Variants in CNTN4 observed in about 807,000 individuals in gnomAD.
CNTN4 encodes contactin 4, also known as contactin-4.
Under a neutral mutation model 122.5 loss-of-function variants are expected in CNTN4, and 77 were observed. The observed-to-expected ratio is 0.63, with a 90% CI of 0.52 to 0.76. The LOEUF (loss-of-function observed/expected upper bound fraction) is 0.76, where lower values mean the gene tolerates loss of function less well. Among genes scored for constraint, CNTN4 ranks in the 30% least tolerant of loss-of-function variants. The pLI is 0.00. For missense variants in CNTN4, 1,256 were observed against 1,259.1 expected (o/e 1.00, Z 0.04); for synonymous variants, 512 against 447.0 (o/e 1.15, Z -1.83).
chr3:2,479,241 T>C (rs1247073067), intron 3 of CNTN4, among the ~76,000 whole-genome samples: 1 of 152,236 alleles, frequency 6.6e-6, no homozygotes, highest in Admixed American at 6.5e-5. Flanking sequence ...TAGCCTTTTA[T>C]CTTTTTGACC....
chr3:3,045,051 T>C (rs1441528362), intron 23 of CNTN4, among the ~76,000 whole-genome samples: 2 of 152,048 alleles, frequency 1.3e-5, no homozygotes, highest in African/African-American at 4.8e-5. Flanking sequence ...AGCACAGCAG[T>C]CTGAGATCGA....
At chr3:2,465,172 T>C (rs1370605225) in intron 3 of CNTN4, among the ~76,000 whole-genome samples, 2 of 152,218 alleles carry the variant, frequency 1.3e-5, no homozygotes, top group African/African-American at 4.8e-5. Context: ...AATAACTTTA[T>C]TAACTCACTA....
intron 2 of CNTN4, among the ~76,000 whole-genome samples, chr3:2,333,618 C>T (rs552005585): frequency 2.0e-5 from 3 of 152,068 alleles, no homozygotes; most frequent in African/African-American, 7.2e-5. Flanking sequence ...TGGTGGGGAA[C>T]CCATTAGTGA....
At position 2,715,765 on chromosome 3, in the gene CNTN4, G is replaced by A. The variant is rs117576909; in HGVS notation, c.56-20450G>A. 2.4e-4 allele frequency among the ~76,000 whole-genome samples: 36 copies of A among 152,262 alleles called. 2 individuals are homozygous for A. In the East Asian group the frequency reaches 6.9e-3, roughly 29 times the overall value. The stretch of plus-strand genomic sequence containing the variant: ...TGTCCTCACATGGCTGAGACAGTGC[G>A]AGCTCTTTGGTATCTCCTTTTATGA... On this transcript the variant is annotated intron_variant, in intron 4 of 24. Coordinates refer to ENST00000418658, the MANE Select transcript of CNTN4 (RefSeq NM_175607.3).
At chr3:3,044,826 G>A (rs1435906067) in intron 23 of CNTN4, among the ~76,000 whole-genome samples, 1 of 152,226 alleles carries the variant, frequency 6.6e-6, no homozygotes, top group Admixed American at 6.5e-5. Context: ...CCTCACCTGG[G>A]AAGGGCAAAG....
intron 3 of CNTN4, among the ~76,000 whole-genome samples, chr3:2,392,682 T>C (rs2046485400): frequency 6.6e-6 from 1 of 152,200 alleles, no homozygotes; most frequent in Non-Finnish European, 1.5e-5. Context: ...AAATATACAA[T>C]GCATTATTAT....
intron 3 of CNTN4, among the ~76,000 whole-genome samples, chr3:2,552,313 C>T (rs1167057555): frequency 6.6e-6 from 1 of 152,150 alleles, no homozygotes; most frequent in Non-Finnish European, 1.5e-5. Flanking sequence ...TTCCAGAGAG[C>T]TCACAGAACA....
In CNTN4 at chr3:2,541,386, G is replaced by T. The variant is rs997583482; in HGVS notation, c.-88-30030G>T. The stretch of plus-strand genomic sequence containing the variant: ...TTCTATGCCAACAGATCCTCTCAGT[G>T]TACTATTATGCACCTTATTTTGCAA... On this transcript the variant is annotated intron_variant, in intron 3 of 24. Coordinates refer to ENST00000418658, the MANE Select transcript of CNTN4 (RefSeq NM_175607.3). 3.3e-5 allele frequency among the ~76,000 whole-genome samples: 5 copies of T among 152,138 alleles called. No individual in the cohort carries two copies. The East Asian group carries it at 5.8e-4, about 18-fold the overall frequency.
rs985363758 is a variant in CNTN4, at chr3:2,943,612, T to A, written c.1358+17833T>A. On this transcript the variant is annotated intron_variant, in intron 13 of 24. Transcript: ENST00000418658. ...GTAATATATAAATATATAAATATAT[T>A]TATATATATATATATATATTTTTTT... Among the ~76,000 whole-genome samples the A allele has an allele frequency of 4.0e-3, 496 of 124,154 alleles. 2 individuals are homozygous for A. The highest frequency in any genetic ancestry group is 6.9e-3 in the Non-Finnish European group (402 of 58,148). The allele number at this position is 124,154 out of a possible 152,430, so 81.4% of individuals were successfully genotyped here.
At chr3:2,661,319 T>G (rs1036225133) in intron 4 of CNTN4, among the ~76,000 whole-genome samples, 2 of 152,150 alleles carry the variant, frequency 1.3e-5, no homozygotes, top group African/African-American at 4.8e-5. Flanking sequence ...GTCATCAACC[T>G]CTGAATACTT....
At chr3:2,764,029 G>T (rs2090724139) in intron 6 of CNTN4, among the ~76,000 whole-genome samples, 1 of 151,928 alleles carries the variant, frequency 6.6e-6, no homozygotes, top group Non-Finnish European at 1.5e-5. Context: ...GAGGTATAAA[G>T]TGGAGGGATA....
chr3:2,663,829 A>C (rs1223355903), intron 4 of CNTN4, among the ~76,000 whole-genome samples: 1 of 152,244 alleles, frequency 6.6e-6, no homozygotes, highest in Non-Finnish European at 1.5e-5. Context: ...GGAATAAAGT[A>C]CTGATGCATA....
chr3:2,495,774 G>A, intron 3 of CNTN4, among the ~76,000 whole-genome samples: 1 of 152,190 alleles, frequency 6.6e-6, no homozygotes, highest in East Asian at 1.9e-4. Context: ...CCTGGTCCGT[G>A]GAAAAATTGT....
intron 2 of CNTN4, among the ~76,000 whole-genome samples, chr3:2,128,566 T>TC (rs1483566357): frequency 4.6e-5 from 7 of 152,252 alleles, no homozygotes; most frequent in Non-Finnish European, 8.8e-5. Flanking sequence ...AAGACTGTGA[T>TC]CGACACTAAG....
intron 2 of CNTN4, among the ~76,000 whole-genome samples, chr3:2,122,591 T>C (rs1168283925): frequency 1.3e-5 from 2 of 152,242 alleles, no homozygotes; most frequent in East Asian, 1.9e-4. Context: ...TGTGTGATTA[T>C]ATCTGTAGGA....
intron 3 of CNTN4, among the ~76,000 whole-genome samples, chr3:2,397,241 A>G (rs1046148126): frequency 2.0e-5 from 3 of 152,184 alleles, no homozygotes; most frequent in African/African-American, 7.2e-5. Context: ...CTGATATAGT[A>G]AGTATATTTT....
chr3:2,376,031 C>T (rs1183924930), intron 3 of CNTN4, among the ~76,000 whole-genome samples: 2 of 152,190 alleles, frequency 1.3e-5, no homozygotes, highest in East Asian at 1.9e-4. Flanking sequence ...GGGTGCCCTA[C>T]CCTACATGAA....
intron 4 of CNTN4, among the ~76,000 whole-genome samples, chr3:2,612,406 G>A (rs974388816): frequency 6.6e-6 from 1 of 151,986 alleles, no homozygotes; most frequent in Non-Finnish European, 1.5e-5. Context: ...AAAACAAAAT[G>A]GTTGTATGGG....
chr3:2,334,693 A>C (rs1263242651), intron 2 of CNTN4, among the ~76,000 whole-genome samples: 1 of 152,194 alleles, frequency 6.6e-6, no homozygotes, highest in Non-Finnish European at 1.5e-5. Flanking sequence ...AATGGTGATC[A>C]CATACACATT....
Sources: gnomAD v4.1 joint callset for allele counts (sites outside exome capture counted in the v4.1 genomes callset) on GRCh38, gnomAD v4.1.1 for gene constraint, MANE v1.5 for transcripts, NCBI Gene and HGNC (gene_info 2026-07-23, HGNC 2026-07-21) for gene names.